The following MPRIP variants were observed in gnomAD, a reference collection of about 807,000 sequenced individuals.
The protein encoded by MPRIP is myosin phosphatase Rho-interacting protein.
In MPRIP, 59 loss-of-function variants were observed where a neutral mutation model predicts 234.9. The ratio of observed to expected loss-of-function variants is 0.25; its 90% CI spans 0.20 to 0.31. The LOEUF is 0.31. MPRIP is among the 10% of genes least tolerant of loss of function. The pLI is 1.00. For missense variants in MPRIP, 2,436 were observed against 3,071.0 expected, an observed-to-expected ratio of 0.79 and a Z score of 4.89; for synonymous variants, 1,144 against 1,263.9, an observed-to-expected ratio of 0.91 and a Z score of 2.01.
At chr17:17,182,238 T>TGTGGCATC in intron 23 of MPRIP, 1 of 152,362 alleles carries the variant, frequency 6.6e-6, no homozygotes, top group East Asian at 1.9e-4. Flanking sequence ...TGTTTTTTGA[T>TGTGGCATC]GTGGCATCTG....
At chr17:17,159,224 A>G (rs1442955658) in intron 14 of MPRIP, among the ~76,000 whole-genome samples, 1 of 152,234 alleles carries the variant, frequency 6.6e-6, no homozygotes, top group African/African-American at 2.4e-5. Context: ...GGGGCCTTCC[A>G]GGCACAGAGG....
chr17:17,165,504 C>T lies in MPRIP; in HGVS notation c.3913C>T (p.Gln1305Ter). 1.5e-6 allele frequency: 2 copies of T among 1,304,378 alleles called. No homozygotes were observed. Among genetic ancestry groups the T allele is most frequent in the Non-Finnish European group, 2.0e-6 (2 of 988,984 alleles). 80.8% of individuals were successfully genotyped at this position (1,304,378 alleles called of 1,614,324 possible). ...AGTGCTTGACAGGGAGGGCCATCAGCAGGGCACAGCCAAACTCGACCAAGG... is the reference window on the plus strand; with the variant it reads ...AGTGCTTGACAGGGAGGGCCATCAGTAGGGCACAGCCAAACTCGACCAAGG... ...VEVLDREGHQ[Q>*]GTAKLDQGAP... is the part of the protein sequence containing the mutation. Residue 1305 changes from glutamine (Q) to a stop codon, truncating the protein, a stop_gained, in exon 16 of 24, where the codon CAG becomes TAG. Coordinates refer to ENST00000651222, the MANE Select transcript of MPRIP (RefSeq NM_001364716.4). LOFTEE classifies it high-confidence loss of function.
At chr17:17,145,594 C>A (rs998444850) in intron 9 of MPRIP, among the ~76,000 whole-genome samples, 4 of 152,250 alleles carry the variant, frequency 2.6e-5, no homozygotes, top group African/African-American at 7.2e-5. Flanking sequence ...CAACACCGCA[C>A]GTCTCTGTTT....
intron 3 of MPRIP, among the ~76,000 whole-genome samples, chr17:17,080,092 G>A (rs761374907): frequency 6.6e-6 from 1 of 152,258 alleles, no homozygotes; most frequent in East Asian, 1.9e-4. Context: ...GCCACGGGCT[G>A]CTTTCTGGCA....
intron 23 of MPRIP, among the ~76,000 whole-genome samples, chr17:17,181,234 C>T (rs2046368970): frequency 6.6e-6 from 1 of 152,064 alleles, no homozygotes; most frequent in African/African-American, 2.4e-5. Flanking sequence ...CACTAGGTGC[C>T]ATTGAAGGCC....
Position 17,186,062 on chromosome 17 carries a change from C to T in MPRIP, c.*1168C>T, listed in dbSNP as rs987274239. On this transcript the variant is annotated 3_prime_UTR_variant, in exon 24 of 24. Transcript: ENST00000651222. ...ATTCTATGGCAATTCTTGAAAATCT[C>T]TTAAATTGGAGTCTATTATGGCCCC... The T allele has an allele frequency of 1.3e-5, 2 of 154,322 alleles. No homozygotes were observed. Among genetic ancestry groups the T allele is most frequent in the African/African-American group, 2.4e-5 (1 of 41,444 alleles). The allele number at this position is 154,322 out of a possible 1,614,324, so 9.6% of individuals were successfully genotyped here.
At chr17:17,172,435 G>A (rs1205086656) in intron 17 of MPRIP, among the ~76,000 whole-genome samples, 1 of 152,264 alleles carries the variant, frequency 6.6e-6, no homozygotes, top group African/African-American at 2.4e-5. Context: ...TATTTAATCA[G>A]TTTGGTTTTC....
At chr17:17,136,830 C>CGGG in intron 6 of MPRIP, among the ~76,000 whole-genome samples, 1 of 152,130 alleles carries the variant, frequency 6.6e-6, no homozygotes, top group South Asian at 2.1e-4. Flanking sequence ...TCAGTCTCAT[C>CGGG]CCTCTCACCA....
chr17:17,069,883 C>T (rs2089152727), intron 1 of MPRIP, among the ~76,000 whole-genome samples: 1 of 152,082 alleles, frequency 6.6e-6, no homozygotes, highest in African/African-American at 2.4e-5. Flanking sequence ...ATTCCTTCTT[C>T]TATGATTTCC....
intron 12 of MPRIP, 46 bp from the exon 13 acceptor site, chr17:17,154,260 C>T (rs1350633968): frequency 1.4e-5 from 22 of 1,547,968 alleles, no homozygotes; most frequent in African/African-American, 6.8e-5. Flanking sequence ...GGGCAGCAGG[C>T]ACCCTAGGGG....
At chr17:17,095,362 A>G (rs1007567996) in intron 3 of MPRIP, among the ~76,000 whole-genome samples, 10 of 152,172 alleles carry the variant, frequency 6.6e-5, no homozygotes, top group African/African-American at 2.4e-4. Context: ...CCTTAGAAGG[A>G]CAGGCAGGCA....
At chr17:17,113,880 C>CTTTTTTTTTTTTT (rs1236846171) in intron 3 of MPRIP, among the ~76,000 whole-genome samples, 5 of 93,226 alleles carry the variant, frequency 5.4e-5, no homozygotes, top group African/African-American at 2.6e-4. Context: ...CTTTTCTTTT[C>CTTTTTTTTTTTTT]TTTTCTTTTT....
Position 17,138,032 on chromosome 17 carries a change from C to T in MPRIP, c.853C>T (p.Pro285Ser), listed in dbSNP as rs1303736595. 1.9e-6 allele frequency: 3 copies of T among 1,610,026 alleles called. No individual in the cohort carries two copies. The South Asian group carries it at 3.3e-5, about 18-fold the overall frequency. The part of the protein sequence containing the change: ...QDLKAEEQQL[P>S]PPLSPPSPST... ...CTTGAAGGCTGAAGAACAGCAGCTG[C>T]CCCCGCCGCTCTCCCCTCCCAGCCC... is the stretch of plus-strand genomic sequence containing the variant. Residue 285 changes from proline (P) to serine (S), a missense_variant, in exon 7 of 24, where the codon CCC (proline) becomes TCC (serine). By Grantham distance (74) the Pro-to-Ser change is moderately conservative. Coordinates refer to ENST00000651222, the MANE Select transcript of MPRIP (RefSeq NM_001364716.4). This position sits in a 1 kb window ranked among gnomAD's most constrained non-coding sequence, Gnocchi z 5.8.
At chr17:17,162,508 GA>G (rs1183268172) in intron 15 of MPRIP, among the ~76,000 whole-genome samples, 96 of 152,210 alleles carry the variant, frequency 6.3e-4, no homozygotes, top group East Asian at 5.8e-4. Context: ...ACATGCCCTA[GA>G]CTCTCCTCTC....
At chr17:17,156,460 G>C (rs1335049763) in intron 13 of MPRIP, among the ~76,000 whole-genome samples, 1 of 152,208 alleles carries the variant, frequency 6.6e-6, no homozygotes, top group African/African-American at 2.4e-5. Flanking sequence ...TATTATTTGA[G>C]GAAAAATGTG....
Position 17,138,347 on chromosome 17 carries a change from G to A in MPRIP, c.1168G>A (p.Glu390Lys). ...CAGCCACCGAGAAGCCTTCCAGGTG[G>A]AGAGAAGGCGGCTGGAGCGTAGAAC... ...RISHREAFQV[E>K]RRRLERRTRA... The change falls in exon 7 of 24, where the codon GAG becomes AAG. Residue 390 changes from glutamate to lysine, a missense_variant. Glu to Lys is a moderately conservative substitution (Grantham distance 56). Transcript: ENST00000651222. The surrounding 1 kb of genome is among the most constrained non-coding windows in gnomAD (Gnocchi z 5.8). 2.7e-6 allele frequency: 1 copy of A among 364,666 alleles called. No individual in the cohort carries two copies. Among genetic ancestry groups the A allele is most frequent in the Non-Finnish European group, 4.9e-6 (1 of 203,750 alleles). 22.6% of individuals were successfully genotyped at this position (364,666 alleles called of 1,614,324 possible).
In MPRIP at chr17:17,152,908, T is replaced by C. The variant is rs144603847; in HGVS notation, c.1720-1398T>C. ...CTGAGAAGCCAGCAGAAGAGCTGAC[T>C]TCACAGAAGCAGGGGGATCCCCTGG... is the stretch of plus-strand genomic sequence containing the variant. On this transcript the variant is annotated intron_variant, in intron 12 of 23. Transcript: ENST00000651222. Among the ~76,000 whole-genome samples, 727 of 152,280 alleles carry C rather than the reference T, an allele frequency of 4.8e-3. 4 individuals are homozygous for C. The highest frequency in any genetic ancestry group is 0.016 in the African/African-American group (679 of 41,548).
At chr17:17,155,405 G>A (rs1049598039) in intron 13 of MPRIP, among the ~76,000 whole-genome samples, 2 of 152,018 alleles carry the variant, frequency 1.3e-5, no homozygotes, top group African/African-American at 2.4e-5. Context: ...CACCACACCC[G>A]GCTAATTTTT....
chr17:17,175,475 A>G, intron 20 of MPRIP, 63 bp downstream of exon 20: 2 of 1,490,304 alleles, frequency 1.3e-6, no homozygotes, highest in Non-Finnish European at 1.8e-6. Context: ...AGGGGAGTGC[A>G]GCATGGCCCC....
Sources: allele counts gnomAD v4.1 joint callset (sites outside exome capture counted in the v4.1 genomes callset), GRCh38; gene constraint gnomAD v4.1.1; non-coding constraint Gnocchi (gnomAD v3.1); transcripts MANE v1.5; gene names NCBI Gene and HGNC (gene_info 2026-07-23, HGNC 2026-07-21).